The following MYO16 variants were observed in gnomAD, a reference collection of about 807,000 sequenced individuals.
The protein encoded by MYO16 is myosin XVI.
A neutral mutation model predicts 205.3 loss-of-function variants in MYO16; 94 were observed. The observed-to-expected ratio is 0.46, with a 90% CI of 0.39 to 0.54. The LOEUF is 0.54. MYO16 is among the 20% of genes least tolerant of loss of function. The probability of loss-of-function intolerance (pLI) is 0.00; values close to 1 mark genes in which losing one functional copy is unlikely to be tolerated. For synonymous variants in MYO16, 988 were observed against 954.0 expected, an observed-to-expected ratio of 1.04 and a Z score of -0.66; for missense variants, 2,315 against 2,387.5, an observed-to-expected ratio of 0.97 and a Z score of 0.63.
intron 34 of MYO16, among the ~76,000 whole-genome samples, chr13:109,204,292 G>A (rs1319802834): frequency 6.6e-6 from 1 of 152,220 alleles, no homozygotes; most frequent in Non-Finnish European, 1.5e-5. Context: ...AGTTGACATG[G>A]TAGCGATATT....
chr13:109,069,049 A>G (rs1183764872), intron 27 of MYO16, among the ~76,000 whole-genome samples: 1 of 152,200 alleles, frequency 6.6e-6, no homozygotes, highest in African/African-American at 2.4e-5. Flanking sequence ...GTAGTTCATC[A>G]GGGATCCTGT....
chr13:108,999,419 A>T (rs1010105071), intron 21 of MYO16, among the ~76,000 whole-genome samples: 1 of 152,186 alleles, frequency 6.6e-6, no homozygotes, highest in African/African-American at 2.4e-5. Context: ...GAACAAGGAA[A>T]TGCATTTATT....
chr13:108,976,816 A>C (rs1427807237), intron 20 of MYO16, among the ~76,000 whole-genome samples: 1 of 152,198 alleles, frequency 6.6e-6, no homozygotes, highest in Non-Finnish European at 1.5e-5. Context: ...GGAAAAATTC[A>C]GTAGTCAAGA....
intron 2 of MYO16, among the ~76,000 whole-genome samples, chr13:108,681,032 G>C (rs1473311423): frequency 6.6e-6 from 1 of 152,140 alleles, no homozygotes; most frequent in Non-Finnish European, 1.5e-5. Context: ...TTTTTCCAAA[G>C]TCTGGTCACT....
chr13:108,798,853 C>T (rs1326060444), intron 6 of MYO16, among the ~76,000 whole-genome samples: 2 of 146,102 alleles, frequency 1.4e-5, no homozygotes, highest in Non-Finnish European at 3.0e-5. Flanking sequence ...CTACAGGCGC[C>T]CGCCACCGCG....
intron 34 of MYO16, among the ~76,000 whole-genome samples, chr13:109,192,143 T>A (rs1879948608): frequency 6.6e-6 from 1 of 152,248 alleles, no homozygotes; most frequent in Admixed American, 6.5e-5. Flanking sequence ...GATTGCATTA[T>A]TATTTGAAAC....
At chr13:109,023,686 CAT>C (rs1427059673) in intron 23 of MYO16, among the ~76,000 whole-genome samples, 23 of 118,898 alleles carry the variant, frequency 1.9e-4, no homozygotes, top group East Asian at 4.7e-4. Flanking sequence ...TGTATATATA[CAT>C]ATATATGTAT....
At chr13:108,495,970 C>T in the MYO16 span, among the ~76,000 whole-genome samples, 2 of 152,028 alleles carry the variant, frequency 1.3e-5, no homozygotes, top group Non-Finnish European at 2.9e-5. Flanking sequence ...GCGCGGGGAA[C>T]GCGGCGGGGC....
intron 14 of MYO16, among the ~76,000 whole-genome samples, chr13:108,890,973 A>C (rs948741104): frequency 6.6e-6 from 1 of 152,150 alleles, no homozygotes; most frequent in Non-Finnish European, 1.5e-5. Context: ...CTCCACAAGC[A>C]TCTATTAACA....
At chr13:109,104,045 A>G (rs1889050562) in intron 28 of MYO16, among the ~76,000 whole-genome samples, 1 of 152,294 alleles carries the variant, frequency 6.6e-6, no homozygotes, top group East Asian at 1.9e-4. Context: ...GAGGTAATGG[A>G]ACGTCACAGA....
At chr13:108,693,800 C>T (rs904748298) in intron 2 of MYO16, among the ~76,000 whole-genome samples, 3 of 152,150 alleles carry the variant, frequency 2.0e-5, no homozygotes, top group Non-Finnish European at 4.4e-5. Context: ...CAGATTATTT[C>T]ACCATCCAGG....
intron 27 of MYO16, among the ~76,000 whole-genome samples, chr13:109,060,320 T>C (rs1887549917): frequency 6.6e-6 from 1 of 152,084 alleles, no homozygotes. Flanking sequence ...AAGAATGAGC[T>C]CATGTCCTTT....
chr13:108,785,148 C>G (rs1047720616), intron 4 of MYO16, among the ~76,000 whole-genome samples: 1 of 152,080 alleles, frequency 6.6e-6, no homozygotes, highest in East Asian at 1.9e-4. Flanking sequence ...ATTAAAATGT[C>G]GTAGTGTGAG....
chr13:108,792,651 A>G (rs937482846), intron 5 of MYO16, among the ~76,000 whole-genome samples: 6 of 151,594 alleles, frequency 4.0e-5, no homozygotes, highest in African/African-American at 7.3e-5. Flanking sequence ...AGCTGGGATT[A>G]TAGACACTTG....
At chr13:109,129,729 T>C (rs1876437790) in intron 31 of MYO16, among the ~76,000 whole-genome samples, 1 of 152,044 alleles carries the variant, frequency 6.6e-6, no homozygotes, top group Non-Finnish European at 1.5e-5. Context: ...GAAAAAACAG[T>C]AATGAAATGT....
rs1487398388 is a variant in MYO16 at position 108,689,130 on chromosome 13, A to G, written c.292+22981A>G. On this transcript the variant is annotated intron_variant, in intron 2 of 34. Coordinates refer to ENST00000457511, the MANE Select transcript of MYO16 (RefSeq NM_001198950.3). ...TGACAATTTTAAAACTTTAGTTGAT[A>G]ATCTTTAATAACATACATTGTTGAT... Among the ~76,000 whole-genome samples, 3 of 107,210 alleles carry G rather than the reference A, an allele frequency of 2.8e-5. No homozygotes were observed. In the Admixed American group the frequency reaches 3.5e-4, roughly 13 times the overall value. 70.3% of individuals were successfully genotyped at this position (107,210 alleles called of 152,430 possible).
At chr13:108,552,142 A>G in the MYO16 span, among the ~76,000 whole-genome samples, 1 of 152,240 alleles carries the variant, frequency 6.6e-6, no homozygotes, top group East Asian at 1.9e-4. Flanking sequence ...CCAAAGATAC[A>G]TGCTTCCTCT....
chr13:109,048,463 A>G (rs888342149), intron 24 of MYO16: 1 of 561,146 alleles, frequency 1.8e-6, no homozygotes, highest in East Asian at 2.8e-5. Flanking sequence ...TGTGCACCAT[A>G]AGATCCTTGT....
At chr13:108,645,990 C>G (rs1317319730) in intron 1 of MYO16, among the ~76,000 whole-genome samples, 1 of 152,124 alleles carries the variant, frequency 6.6e-6, no homozygotes, top group Non-Finnish European at 1.5e-5. Flanking sequence ...GAAGTGCTTA[C>G]AAGGTATGCA....
Sources: allele counts gnomAD v4.1 joint callset (sites outside exome capture counted in the v4.1 genomes callset), GRCh38; gene constraint gnomAD v4.1.1; transcripts MANE v1.5; gene names NCBI Gene and HGNC (gene_info 2026-07-23, HGNC 2026-07-21).